SIM2: variants seen among roughly 807,000 people sequenced by gnomAD.
The protein encoded by SIM2 is SIM bHLH transcription factor 2.
In SIM2, 28 loss-of-function variants were observed where a neutral mutation model predicts 64.8. That is an observed-to-expected ratio of 0.43 (90% CI 0.32 to 0.59). SIM2 has a LOEUF of 0.59. Among genes scored for constraint, SIM2 ranks in the 20% least tolerant of loss-of-function variants. The pLI is 0.07. For missense variants in SIM2, 847 were observed against 871.4 expected (o/e 0.97, Z 0.35); for synonymous variants, 408 against 391.1 (o/e 1.04, Z -0.51).
At chr21:36,708,009 G>T (rs953936157) in intron 1 of SIM2, among the ~76,000 whole-genome samples, 10 of 152,236 alleles carry the variant, frequency 6.6e-5, no homozygotes, top group African/African-American at 1.9e-4. Context: ...AGCAGCGCCC[G>T]CAGCTCGCTC....
chr21:36,724,189 G>A (rs758154033), intron 5 of SIM2, among the ~76,000 whole-genome samples: 11 of 152,302 alleles, frequency 7.2e-5, no homozygotes, highest in Admixed American at 3.3e-4. Flanking sequence ...GTTACAGTTC[G>A]GGGGACATGT....
Position 36,699,611 on chromosome 21 carries a change from C to G in SIM2, c.-136C>G. Reference sequence around the variant, plus strand: ...CGTCTCGGAACCCCGGGAGGCCCCCCGCACCTGCCCGCGGCCCACTCCGCG... The same window carrying G: ...CGTCTCGGAACCCCGGGAGGCCCCCGGCACCTGCCCGCGGCCCACTCCGCG... On this transcript the variant is annotated 5_prime_UTR_variant, in exon 1 of 11. Coordinates refer to ENST00000290399, the MANE Select transcript of SIM2 (RefSeq NM_005069.6). The surrounding 1 kb of genome is among the most constrained non-coding windows in gnomAD (Gnocchi z 5.6). The G allele has an allele frequency of 3.2e-6, 3 of 952,076 alleles. No individual in the cohort carries two copies. Among genetic ancestry groups the G allele is most frequent in the Non-Finnish European group, 4.4e-6 (3 of 676,234 alleles). The allele number at this position is 952,076 out of a possible 1,614,324, so 59.0% of individuals were successfully genotyped here. A position where few individuals can be genotyped will look rare whatever the true frequency, so the allele number is the denominator to read the frequency against.
At chr21:36,717,993 A>C (rs2088769074) in intron 3 of SIM2, among the ~76,000 whole-genome samples, 1 of 152,216 alleles carries the variant, frequency 6.6e-6, no homozygotes, top group African/African-American at 2.4e-5. Flanking sequence ...CTGTTGAGAA[A>C]GTGCCAGGCT....
intron 7 of SIM2, among the ~76,000 whole-genome samples, chr21:36,733,915 G>T (rs2089009712): frequency 6.6e-6 from 1 of 152,322 alleles, no homozygotes; most frequent in East Asian, 1.9e-4. Flanking sequence ...AGCCCACAGT[G>T]GTGCTCAGTC....
intron 7 of SIM2, among the ~76,000 whole-genome samples, chr21:36,735,961 G>A (rs2089041308): frequency 6.6e-6 from 1 of 152,176 alleles, no homozygotes; most frequent in Non-Finnish European, 1.5e-5. Context: ...TTCCTATTCA[G>A]CCTCCTGCCC....
rs1234040313 is a variant in SIM2, at chr21:36,699,792, G to A, written c.46G>A (p.Glu16Lys). The A allele has an allele frequency of 1.2e-6, 2 of 1,613,014 alleles. No homozygotes were observed. Among genetic ancestry groups the A allele is most frequent in the Non-Finnish European group, 1.7e-6 (2 of 1,179,460 alleles). ...KNAAKTRREK[E>K]NGEFYELAKL... The stretch of plus-strand genomic sequence containing the variant: ...TGCGGCCAAGACCAGGAGGGAGAAG[G>A]AAAATGGCGAGTTTTACGAGCTTGC... Residue 16 changes from glutamate to lysine, a missense_variant, in exon 1 of 11, where the codon GAA becomes AAA. By Grantham distance (56) the Glu-to-Lys change is moderately conservative. Transcript: ENST00000290399. This position sits in a 1 kb window ranked among gnomAD's most constrained non-coding sequence, Gnocchi z 5.6.
chr21:36,738,764 T>A (rs912247007), intron 7 of SIM2, among the ~76,000 whole-genome samples: 2 of 152,238 alleles, frequency 1.3e-5, no homozygotes, highest in African/African-American at 4.8e-5. Flanking sequence ...TATCTTTTCA[T>A]TAGAGAAGCA....
chr21:36,713,412 T>G (rs1379890130), intron 3 of SIM2, among the ~76,000 whole-genome samples: 1 of 152,234 alleles, frequency 6.6e-6, no homozygotes, highest in Non-Finnish European at 1.5e-5. Context: ...TAACTGATCA[T>G]TCTCATTCAC....
chr21:36,702,368 G>T (rs1473371899), intron 1 of SIM2, among the ~76,000 whole-genome samples: 1 of 152,184 alleles, frequency 6.6e-6, no homozygotes, highest in Non-Finnish European at 1.5e-5. Flanking sequence ...GGTCCCCCTC[G>T]GAAAGGGAAG....
rs376825313 is a variant in SIM2, at chr21:36,748,873, A to G, written c.*781A>G. The G allele has an allele frequency of 1.3e-5, 2 of 152,658 alleles. No homozygotes were observed. The highest frequency in any genetic ancestry group is 4.8e-5 in the African/African-American group (2 of 41,464). The allele number at this position is 152,658 out of a possible 1,614,324, so 9.5% of individuals were successfully genotyped here. A position where few individuals can be genotyped will look rare whatever the true frequency, so the allele number is the denominator to read the frequency against. ...ATATGTAGCCAGACAGTTTATGAGA[A>G]TGACCCTGTCAAGCTTCATTATTAC... On this transcript the variant is annotated 3_prime_UTR_variant, in exon 11 of 11. Transcript: ENST00000290399.
intron 4 of SIM2, chr21:36,720,632 C>T (rs1448126910): frequency 1.3e-5 from 2 of 152,148 alleles, no homozygotes; most frequent in Non-Finnish European, 2.9e-5. Flanking sequence ...AATACAGTTG[C>T]TTTTTTGGTA....
chr21:36,704,470 G>T (rs373252244), intron 1 of SIM2, among the ~76,000 whole-genome samples: 128 of 152,368 alleles, frequency 8.4e-4, no homozygotes, highest in Non-Finnish European at 1.6e-3. Flanking sequence ...GCCCGCAGGC[G>T]CAGAGGGGAC....
In SIM2 at chr21:36,699,681, C is replaced by A; in HGVS notation, c.-66C>A. 1 of 1,551,708 alleles carries A rather than the reference C, an allele frequency of 6.4e-7. No homozygotes were observed. The highest frequency in any genetic ancestry group is 8.7e-7 in the Non-Finnish European group (1 of 1,148,342). ...TCCCCCTTCCCCATCCCCGCCGCCG[C>A]AGCCCGAGCGGGGCTCCGCGGGCCT... On this transcript the variant is annotated 5_prime_UTR_variant, in exon 1 of 11. Transcript: ENST00000290399. The surrounding 1 kb of genome is among the most constrained non-coding windows in gnomAD (Gnocchi z 5.6).
At chr21:36,705,183 G>T (rs960901692) in intron 1 of SIM2, among the ~76,000 whole-genome samples, 1 of 151,752 alleles carries the variant, frequency 6.6e-6, no homozygotes, top group Non-Finnish European at 1.5e-5. Flanking sequence ...CGCCGAGGTC[G>T]GGGGTGGCGG....
intron 2 of SIM2, chr21:36,709,873 G>C (rs2123428769): frequency 5.1e-6 from 1 of 195,126 alleles, no homozygotes; most frequent in South Asian, 8.6e-5. Context: ...CTGTGGCCCA[G>C]GCTAGAGTGC....
In SIM2 at chr21:36,725,359, C is replaced by T. The variant is rs140847077; in HGVS notation, c.544-760C>T. ...GAGACCTTGTCTAAAAAAAAATCTA[C>T]GGAAAGAATTGTTTATTTACTGGTA... is the stretch of plus-strand genomic sequence containing the variant. On this transcript the variant is annotated intron_variant, in intron 5 of 10. Coordinates refer to ENST00000290399, the MANE Select transcript of SIM2 (RefSeq NM_005069.6). 3.2e-4 allele frequency among the ~76,000 whole-genome samples: 49 copies of T among 152,098 alleles called. 1 individual carries two copies. In the East Asian group the frequency reaches 7.9e-3, roughly 25 times the overall value.
In SIM2 at chr21:36,741,953, C is replaced by T. The variant is rs573520119; in HGVS notation, c.998+89C>T. 1.7e-5 allele frequency: 22 copies of T among 1,273,370 alleles called. No individual in the cohort carries two copies. In the Middle Eastern group the frequency reaches 7.7e-4, roughly 45 times the overall value. The allele number at this position is 1,273,370 out of a possible 1,614,324, so 78.9% of individuals were successfully genotyped here. A position where few individuals can be genotyped will look rare whatever the true frequency, so the allele number is the denominator to read the frequency against. ...TCCAATAAGCACCATCTCTCTTTCTCTCTTTCTCAAACTGTTCATTTGTCT... is the reference window on the plus strand; with the variant it reads ...TCCAATAAGCACCATCTCTCTTTCTTTCTTTCTCAAACTGTTCATTTGTCT... On this transcript the variant is annotated intron_variant, in intron 8 of 10. Transcript: ENST00000290399.
intron 3 of SIM2, among the ~76,000 whole-genome samples, chr21:36,719,613 G>A (rs1205175520): frequency 6.6e-6 from 1 of 152,218 alleles, no homozygotes; most frequent in Non-Finnish European, 1.5e-5. Flanking sequence ...CAGTGCCATG[G>A]CCTTTTTAGA....
intron 4 of SIM2, among the ~76,000 whole-genome samples, chr21:36,722,817 T>C (rs923007211): frequency 6.6e-6 from 1 of 152,128 alleles, no homozygotes; most frequent in Non-Finnish European, 1.5e-5. Context: ...GTGGCCTCGT[T>C]TGGCTGCCTT....
Sources: allele counts gnomAD v4.1 joint callset (sites outside exome capture counted in the v4.1 genomes callset), GRCh38; gene constraint gnomAD v4.1.1; non-coding constraint Gnocchi (gnomAD v3.1); transcripts MANE v1.5; gene names NCBI Gene and HGNC (gene_info 2026-07-23, HGNC 2026-07-21).